SENP8: variants seen among roughly 807,000 people sequenced by gnomAD.
The protein encoded by SENP8 is sentrin-specific protease 8.
In SENP8, 10 loss-of-function variants were observed where a neutral mutation model predicts 14.4. That is an observed-to-expected ratio of 0.69 (90% CI 0.43 to 1.18). The LOEUF (loss-of-function observed/expected upper bound fraction) is 1.18, where lower values mean the gene tolerates loss of function less well. Among genes scored for constraint, SENP8 ranks in the 50% most tolerant of loss-of-function variants. The pLI, the probability that SENP8 is intolerant of heterozygous loss-of-function variation, is 0.00. For missense variants in SENP8, 202 were observed against 249.4 expected (o/e 0.81, Z 1.28); for synonymous variants, 94 against 95.5 (o/e 0.98, Z 0.09).
intron 1 of SENP8, among the ~76,000 whole-genome samples, chr15:72,129,529 A>T (rs1355751210): frequency 6.8e-6 from 1 of 147,060 alleles, no homozygotes; most frequent in Non-Finnish European, 1.5e-5. Context: ...CACCCGGCTA[A>T]TTTTGTATTT....
At chr15:72,117,894 C>G (rs1383356795), upstream of SENP8, 1 of 398,304 alleles carries the variant, frequency 2.5e-6, no homozygotes, top group Non-Finnish European at 4.4e-6. Context: ...CCGGCCTGAG[C>G]AGGCACATCC....
In SENP8 at chr15:72,131,789, C is replaced by A. The variant is rs538092897; in HGVS notation, c.-47-7788C>A. On this transcript the variant is annotated intron_variant, in intron 1 of 1. Transcript: ENST00000340912. ...GGACTTAGCATTCTCTCTCTTTATG[C>A]CAAAGATAAAGCACAAGAGCAGAGT... Among the ~76,000 whole-genome samples, 6 of 152,282 alleles carry A rather than the reference C, an allele frequency of 3.9e-5. No individual in the cohort carries two copies. The South Asian group carries it at 8.3e-4, about 21-fold the overall frequency.
intron 1 of SENP8, 194 bp from the exon 2 acceptor site, chr15:72,139,383 G>T: frequency 2.1e-6 from 1 of 478,892 alleles, no homozygotes; most frequent in South Asian, 3.8e-5. Context: ...GGAGGAAAAG[G>T]AGCAATTGGT....
At chr15:72,123,714 A>T (rs942603427) in intron 1 of SENP8, among the ~76,000 whole-genome samples, 3 of 152,010 alleles carry the variant, frequency 2.0e-5, no homozygotes, top group Admixed American at 6.6e-5. Context: ...CTAATTTTGT[A>T]TTTTTAGTAG....
At chr15:72,114,923 G>C (rs2080914685), upstream of SENP8, among the ~76,000 whole-genome samples, 1 of 152,030 alleles carries the variant, frequency 6.6e-6, no homozygotes, top group Non-Finnish European at 1.5e-5. Context: ...ACATTTCTCT[G>C]CTATTAAAGA....
intron 1 of SENP8, among the ~76,000 whole-genome samples, chr15:72,126,993 G>A (rs749878217): frequency 1.3e-5 from 2 of 152,160 alleles, no homozygotes; most frequent in African/African-American, 2.4e-5. Flanking sequence ...TAGTAAAGGC[G>A]CTTTCACTTC....
At chr15:72,119,973 GTT>G in intron 1 of SENP8, among the ~76,000 whole-genome samples, 1 of 152,156 alleles carries the variant, frequency 6.6e-6, no homozygotes, top group East Asian at 1.9e-4. Context: ...TTGGTCAGCT[GTT>G]GTCTCCAGCC....
chr15:72,134,921 A>G (rs2081311811), intron 1 of SENP8: 2 of 303,000 alleles, frequency 6.6e-6, no homozygotes, highest in African/African-American at 2.3e-5. Context: ...TATTGAGTGC[A>G]TTAAGCACTC....
At chr15:72,134,769 G>C in intron 1 of SENP8, 1 of 253,650 alleles carries the variant, frequency 3.9e-6, no homozygotes, top group South Asian at 5.6e-5. Context: ...TAGACATCAA[G>C]GAAATGGATA....
upstream of SENP8, chr15:72,117,646 C>T: frequency 7.6e-6 from 3 of 395,636 alleles, no homozygotes; most frequent in East Asian, 3.6e-5. Flanking sequence ...CCAGGACGGG[C>T]TGCAGGGCCG....
At chr15:72,123,768 G>C (rs1431393216) in intron 1 of SENP8, among the ~76,000 whole-genome samples, 1 of 152,160 alleles carries the variant, frequency 6.6e-6, no homozygotes, top group African/African-American at 2.4e-5. Flanking sequence ...TAGAACGCCC[G>C]ACCTCAGGTG....
chr15:72,122,551 A>G (rs976638834), intron 1 of SENP8, among the ~76,000 whole-genome samples: 10 of 152,236 alleles, frequency 6.6e-5, no homozygotes, highest in African/African-American at 2.4e-4. Context: ...GATCCAAATG[A>G]GTCCTATAAA....
intron 1 of SENP8, chr15:72,134,696 G>C: frequency 4.6e-6 from 1 of 216,948 alleles, no homozygotes; most frequent in South Asian, 7.8e-5. Flanking sequence ...TCTAGGCCTT[G>C]GAAAAAACAT....
chr15:72,114,618 G>A (rs2080902205), upstream of SENP8: 1 of 152,164 alleles, frequency 6.6e-6, no homozygotes, highest in Non-Finnish European at 1.5e-5. Context: ...TTTTGTGGGG[G>A]GAAAAGAGGC....
intron 1 of SENP8, among the ~76,000 whole-genome samples, chr15:72,138,030 A>C (rs902740502): frequency 6.6e-6 from 1 of 152,178 alleles, no homozygotes; most frequent in African/African-American, 2.4e-5. Context: ...CTTGGAAATT[A>C]GTAACTTTTT....
rs764370355 is a variant in SENP8, at chr15:72,140,234, A to C, written c.611A>C (p.Asp204Ala). Residue 204 changes from aspartate (D) to alanine (A), a missense_variant, in exon 2 of 2, where the codon GAT (aspartate) becomes GCT (alanine). Asp to Ala is a moderately radical substitution (Grantham distance 126). Transcript: ENST00000340912. ...YITKKRGEWK[D>A]LITTLAKK Reference sequence around the variant, plus strand: ...ACAAAGAAGAGGGGAGAATGGAAAGATCTCATTACCACACTTGCTAAAAAG... The same window carrying C: ...ACAAAGAAGAGGGGAGAATGGAAAGCTCTCATTACCACACTTGCTAAAAAG... The C allele has an allele frequency of 3.8e-5, 62 of 1,613,668 alleles. No homozygotes were observed. Among genetic ancestry groups the C allele is most frequent in the Admixed American group, 6.7e-5 (4 of 59,980 alleles).
At chr15:72,123,650 C>T (rs561810896) in intron 1 of SENP8, among the ~76,000 whole-genome samples, 207 of 151,968 alleles carry the variant, frequency 1.4e-3, no homozygotes, top group Admixed American at 4.0e-3. Flanking sequence ...AAGCAATTCT[C>T]CTGCCTCAGC....
intron 1 of SENP8, among the ~76,000 whole-genome samples, chr15:72,129,976 A>G (rs573135710): frequency 6.6e-6 from 1 of 152,210 alleles, no homozygotes; most frequent in Admixed American, 6.5e-5. Context: ...ACCTGAGGTC[A>G]GGAGTTTGAG....
intron 1 of SENP8, among the ~76,000 whole-genome samples, chr15:72,122,894 G>A (rs889766668): frequency 1.3e-5 from 2 of 152,130 alleles, no homozygotes; most frequent in Non-Finnish European, 1.5e-5. Context: ...TCATTGTCTT[G>A]ATCCCAAAAA....
Sources: allele counts gnomAD v4.1 joint callset (sites outside exome capture counted in the v4.1 genomes callset), GRCh38; gene constraint gnomAD v4.1.1; transcripts MANE v1.5; gene names NCBI Gene and HGNC (gene_info 2026-07-23, HGNC 2026-07-21).